Variants in HRURF observed in about 807,000 individuals in gnomAD.
HRURF encodes the protein protein HRURF.
upstream of HRURF, chr8:22,130,847 C>G (rs1827034589): frequency 6.6e-6 from 1 of 152,048 alleles, no homozygotes; most frequent in Middle Eastern, 3.2e-3. Context: ...GGGGAAAGGC[C>G]GAGGGGCCGG....
chr8:22,130,640 C>T (rs1385208429), exon 1 of HRURF: 2 of 152,288 alleles, frequency 1.3e-5, no homozygotes, highest in Non-Finnish European at 2.9e-5. Context: ...ACTCCGGGAT[C>T]TGCAGGATGC....
At chr8:22,130,603 T>A (rs766716961), downstream of HRURF, 2 of 151,994 alleles carry the variant, frequency 1.3e-5, no homozygotes, top group Admixed American at 1.3e-4. Context: ...GCGGGGGCGC[T>A]CTAGGGCCGC....
At chr8:22,130,522 G>T (rs1249722781), downstream of HRURF, 3 of 152,212 alleles carry the variant, frequency 2.0e-5, no homozygotes, top group East Asian at 5.8e-4. Flanking sequence ...GGGGCCTCCC[G>T]GCCGGCGGGC....
At chr8:22,130,795 G>C (rs962760038), upstream of HRURF, 3 of 152,222 alleles carry the variant, frequency 2.0e-5, no homozygotes, top group African/African-American at 7.2e-5. Flanking sequence ...AAGGCGCCGG[G>C]CCGGGGGGAA....
chr8:22,130,950 G>T (rs1473083717), upstream of HRURF: 1 of 152,338 alleles, frequency 6.6e-6, no homozygotes, highest in East Asian at 1.9e-4. Context: ...GCGGCTAATG[G>T]AGGTAGAGCG....
upstream of HRURF, chr8:22,131,010 TGA>T (rs1196479904): frequency 6.6e-6 from 1 of 151,846 alleles, no homozygotes; most frequent in Admixed American, 6.6e-5. Context: ...GAAGCGCAAC[TGA>T]GAGTGGGGAA....
upstream of HRURF, chr8:22,130,918 C>G (rs1197832378): frequency 6.6e-6 from 1 of 151,998 alleles, no homozygotes; most frequent in African/African-American, 2.4e-5. Context: ...GAGGCACCGG[C>G]GAGGGCGCAG....
At chr8:22,130,951 A>C (rs1827037596), upstream of HRURF, 1 of 151,132 alleles carries the variant, frequency 6.6e-6, no homozygotes, top group African/African-American at 2.5e-5. Flanking sequence ...CGGCTAATGG[A>C]GGTAGAGCGC....
downstream of HRURF, chr8:22,130,511 CG>C (rs1255241391): frequency 6.6e-6 from 1 of 152,228 alleles, no homozygotes; most frequent in East Asian, 1.9e-4. Flanking sequence ...GGGCCAGCTC[CG>C]GGGCCTCCCG....
chr8:22,130,557 T>C (rs1827025683), downstream of HRURF: 1 of 152,270 alleles, frequency 6.6e-6, no homozygotes, highest in Non-Finnish European at 1.5e-5. Flanking sequence ...CCGCTCTGTC[T>C]GCTCAGCGCG....
At chr8:22,130,625 G>A (rs1827027675) in exon 1 of HRURF, 1 of 152,286 alleles carries the variant, frequency 6.6e-6, no homozygotes, top group Non-Finnish European at 1.5e-5. Context: ...GGTTGGAGGG[G>A]TCGGACTCCG....
exon 1 of HRURF, chr8:22,130,611 C>T (rs1039104495): frequency 1.3e-5 from 2 of 152,272 alleles, no homozygotes; most frequent in Non-Finnish European, 2.9e-5. Flanking sequence ...GCTCTAGGGC[C>T]GCAGGTTGGA....
upstream of HRURF, chr8:22,130,777 AG>A (rs1017144388): frequency 2.0e-5 from 3 of 151,218 alleles, no homozygotes; most frequent in Admixed American, 6.6e-5. Context: ...GTGCCCCCGG[AG>A]GGAGAGAAGG....
chr8:22,130,897 G>C (rs1247329991), upstream of HRURF: 1 of 152,256 alleles, frequency 6.6e-6, no homozygotes. Flanking sequence ...CCGATCCTGG[G>C]ACCCAGGAGA....
exon 1 of HRURF, chr8:22,130,604 C>T (rs1219619972): frequency 1.3e-5 from 2 of 152,186 alleles, no homozygotes; most frequent in Admixed American, 1.3e-4. Context: ...CGGGGGCGCT[C>T]TAGGGCCGCA....
chr8:22,130,640 C>A (rs1385208429), exon 1 of HRURF: 1 of 152,288 alleles, frequency 6.6e-6, no homozygotes, highest in African/African-American at 2.4e-5. Context: ...ACTCCGGGAT[C>A]TGCAGGATGC....
upstream of HRURF, chr8:22,130,754 G>A (rs1827031336): frequency 6.6e-6 from 1 of 152,330 alleles, no homozygotes; most frequent in South Asian, 2.1e-4. Flanking sequence ...GCCGGGCCGG[G>A]GCTAGGGAGC....
At chr8:22,130,543 T>C (rs1469797112), downstream of HRURF, 35 of 152,192 alleles carry the variant, frequency 2.3e-4, no homozygotes, top group Non-Finnish European at 2.9e-5. Flanking sequence ...GAGGACGCGT[T>C]CTCCCGCTCT....
upstream of HRURF, chr8:22,130,876 G>A (rs989964111): frequency 6.6e-6 from 1 of 152,232 alleles, no homozygotes; most frequent in Non-Finnish European, 1.5e-5. Flanking sequence ...GTCGTGCCTG[G>A]ATGGTGGGGG....
Sources: allele counts gnomAD v4.1 joint callset, GRCh38; gene constraint gnomAD v4.1.1; transcripts MANE v1.5; gene names NCBI Gene and HGNC (gene_info 2026-07-23, HGNC 2026-07-21).